The following RPS11 variants were observed in gnomAD, a reference collection of about 807,000 sequenced individuals.
The protein encoded by RPS11 is small ribosomal subunit protein uS17.
For synonymous variants in RPS11, 107 were observed against 78.0 expected (o/e 1.37, Z -1.96); for missense variants, 127 against 211.4 (o/e 0.60, Z 2.48).
chr19:49,497,091 A>G, intron 1 of RPS11, 103 bp from the exon 2 acceptor site: 1 of 1,396,930 alleles, frequency 7.2e-7, no homozygotes, highest in Admixed American at 2.2e-5. Context: ...TTGCAAGTAA[A>G]TGTAGAGCAT....
chr19:49,497,905 C>G lies in RPS11; in HGVS notation c.224-12C>G. On this transcript the variant is annotated splice_polypyrimidine_tract_variant and intron_variant, in intron 3 of 4. Transcript: ENST00000270625. Reference sequence around the variant, plus strand: ...CCATGGGACCTGACCTATGATCGGCCCCCGCTCCTAGGCGTGGTGACCAAG... The same window carrying G: ...CCATGGGACCTGACCTATGATCGGCGCCCGCTCCTAGGCGTGGTGACCAAG... The G allele has an allele frequency of 1.2e-6, 2 of 1,614,104 alleles. No homozygotes were observed. Among genetic ancestry groups the G allele is most frequent in the Non-Finnish European group, 1.7e-6 (2 of 1,180,012 alleles).
At chr19:49,499,156 C>G (rs1013195894) in intron 4 of RPS11, among the ~76,000 whole-genome samples, 1 of 152,102 alleles carries the variant, frequency 6.6e-6, no homozygotes, top group Non-Finnish European at 1.5e-5. Context: ...CAAACTGATG[C>G]TGAGCGATAA....
chr19:49,497,062 G>C, intron 1 of RPS11, 132 bp from the exon 2 acceptor site: 2 of 1,001,286 alleles, frequency 2.0e-6, no homozygotes, highest in Non-Finnish European at 2.9e-6. Flanking sequence ...TGGGGCACCA[G>C]GCCTTGGACG....
At position 49,499,493 on chromosome 19, in the gene RPS11, GC is replaced by G; in HGVS notation, c.354-16del. 6.2e-7 allele frequency: 1 copy of G among 1,611,270 alleles called. No homozygotes were observed. The highest frequency in any genetic ancestry group is 8.5e-7 in the Non-Finnish European group (1 of 1,177,840). On this transcript the variant is annotated intron_variant, in intron 4 of 4. Coordinates refer to ENST00000270625, the MANE Select transcript of RPS11 (RefSeq NM_001015.5). ...TGGGGTGGCCCCTCCTGAGGACATG[GC>G]CCTACCTGCCTCCACAGGGACGTCC...
intron 4 of RPS11, 89 bp downstream of exon 4, chr19:49,498,135 G>T: frequency 7.0e-7 from 1 of 1,421,580 alleles, no homozygotes. Flanking sequence ...AACTGAGGGA[G>T]GGAAAGACTG....
chr19:49,497,757 C>T (rs773940032), intron 3 of RPS11, 160 bp from the exon 4 acceptor site: 1 of 1,167,660 alleles, frequency 8.6e-7, no homozygotes, highest in Admixed American at 1.7e-5. Flanking sequence ...TCTTCAGATG[C>T]CCACGTGGGC....
At position 49,497,223 on chromosome 19, in the gene RPS11, C is replaced by A; in HGVS notation, c.45C>A (p.Thr15=). 6.2e-7 allele frequency: 1 copy of A among 1,614,062 alleles called. No homozygotes were observed. The highest frequency in any genetic ancestry group is 1.7e-4 in the Middle Eastern group (1 of 6,040). Residue 15 remains threonine (T), a synonymous_variant, in exon 2 of 5, where the codon ACC becomes ACA. Transcript: ENST00000270625. The stretch of plus-strand genomic sequence containing the variant: ...AGCGTGCCTACCAAAAGCAGCCGAC[C>A]ATCTTTCAAAACAAGAAGAGGGTCC... ...QTERAYQKQP[T]IFQNKKRVLL... is the part of the protein sequence containing the mutation.
chr19:49,497,983 G>A lies in RPS11; in HGVS notation c.290G>A (p.Arg97His), dbSNP rs746359465. 5.6e-6 allele frequency: 9 copies of A among 1,613,776 alleles called. No individual in the cohort carries two copies. The highest frequency in any genetic ancestry group is 7.6e-6 in the Non-Finnish European group (9 of 1,179,966). ...CGCCGAGACTATCTGCACTACATCC[G>A]CAAGTACAACCGCTTCGAGAAGCGC... ...VIRRDYLHYI[R>H]KYNRFEKRHK... The change falls in exon 4 of 5, where the codon CGC (arginine) becomes CAC (histidine). Residue 97 changes from arginine (R) to histidine (H), a missense_variant. Transcript: ENST00000270625.
Position 49,497,509 on chromosome 19 carries a change from T to C in RPS11, c.148-11T>C. On this transcript the variant is annotated splice_polypyrimidine_tract_variant and intron_variant, in intron 2 of 4. Coordinates refer to ENST00000270625, the MANE Select transcript of RPS11 (RefSeq NM_001015.5). Reference sequence around the variant, plus strand: ...CCAAGGCTCACTCCTTTATCTTTCCTATCCTTTCAGGCTATTGAGGGCACC... The same window carrying C: ...CCAAGGCTCACTCCTTTATCTTTCCCATCCTTTCAGGCTATTGAGGGCACC... 1 of 1,613,388 alleles carries C rather than the reference T, an allele frequency of 6.2e-7. No individual in the cohort carries two copies.
At chr19:49,497,060 C>G (rs2079909972) in intron 1 of RPS11, 134 bp from the exon 2 acceptor site, 1 of 978,206 alleles carries the variant, frequency 1.0e-6, no homozygotes, top group Non-Finnish European at 1.5e-6. Context: ...TCTGGGGCAC[C>G]AGGCCTTGGA....
intron 1 of RPS11, 117 bp downstream of exon 1, chr19:49,496,588 A>G (rs2122636374): frequency 8.8e-7 from 1 of 1,130,536 alleles, no homozygotes; most frequent in Admixed American, 2.4e-5. Flanking sequence ...GTCCGTGATT[A>G]TTTTCTAGAG....
rs2079925056 is a variant in RPS11, at chr19:49,499,703, A to G, written c.*68A>G. On this transcript the variant is annotated 3_prime_UTR_variant, in exon 5 of 5. Transcript: ENST00000270625. ...TTCTCATTCCCAGGCCAGACTTGGG[A>G]TCTTCCGCGCCTTTACCAGAGCATT... 1.3e-6 allele frequency: 2 copies of G among 1,569,044 alleles called. No homozygotes were observed. Among genetic ancestry groups the G allele is most frequent in the African/African-American group, 1.3e-5 (1 of 74,252 alleles).
At position 49,497,358 on chromosome 19, in the gene RPS11, C is replaced by CT. The variant is rs951144623; in HGVS notation, c.147+34dup. The CT allele has an allele frequency of 5.0e-6, 8 of 1,613,128 alleles. No individual in the cohort carries two copies. In the African/African-American group the frequency reaches 1.1e-4, roughly 22 times the overall value. ...GAACCTCAGAAGAAAGAAGGGGAAC[C>CT]TGGCGTTCCTGCACGTGTGCCCACG... On this transcript the variant is annotated intron_variant, in intron 2 of 4. Transcript: ENST00000270625.
chr19:49,497,617 G>A, intron 3 of RPS11, 22 bp downstream of exon 3: 1 of 1,605,048 alleles, frequency 6.2e-7, no homozygotes, highest in Non-Finnish European at 8.5e-7. Flanking sequence ...AGTTACTGGT[G>A]TCTGGGGCCT....
chr19:49,497,800 C>T, intron 3 of RPS11, 117 bp from the exon 4 acceptor site: 1 of 1,453,892 alleles, frequency 6.9e-7, no homozygotes, highest in East Asian at 2.3e-5. Context: ...AAAACTGATG[C>T]CGGAAATGGG....
intron 3 of RPS11, 31 bp from the exon 4 acceptor site, chr19:49,497,886 G>C (rs1479290227): frequency 1.2e-6 from 2 of 1,613,934 alleles, no homozygotes; most frequent in East Asian, 4.5e-5. Context: ...TTTCCCATGG[G>C]ACCTGACCTA....
At chr19:49,497,413 T>A in intron 2 of RPS11, 88 bp downstream of exon 2, 1 of 1,600,410 alleles carries the variant, frequency 6.2e-7, no homozygotes, top group Non-Finnish European at 8.6e-7. Flanking sequence ...TCTAAGTGGC[T>A]TCTGGGGCTG....
In RPS11 at chr19:49,497,525, T is replaced by C. The variant is rs2079912832; in HGVS notation, c.153T>C (p.Ile51=). 4.3e-6 allele frequency: 7 copies of C among 1,613,830 alleles called. No homozygotes were observed. The African/African-American group carries it at 5.3e-5, about 12-fold the overall frequency. ...TATCTTTCCTATCCTTTCAGGCTAT[T>C]GAGGGCACCTACATTGACAAGAAAT... is the stretch of plus-strand genomic sequence containing the variant. ...GLGFKTPKEA[I]EGTYIDKKCP... The change falls in exon 3 of 5, where the codon ATT becomes ATC. Residue 51 remains isoleucine (I), a synonymous_variant. Coordinates refer to ENST00000270625, the MANE Select transcript of RPS11 (RefSeq NM_001015.5).
chr19:49,497,041 G>C (rs71353314), intron 1 of RPS11, 153 bp from the exon 2 acceptor site: 32 of 760,208 alleles, frequency 4.2e-5, no homozygotes, highest in Non-Finnish European at 6.4e-5. Context: ...TCATGTCTTA[G>C]AGGGTGATTC....
Sources: allele counts gnomAD v4.1 joint callset (sites outside exome capture counted in the v4.1 genomes callset), GRCh38; gene constraint gnomAD v4.1.1; transcripts MANE v1.5; gene names NCBI Gene and HGNC (gene_info 2026-07-23, HGNC 2026-07-21).